The following ODF2 variants were observed in gnomAD, a reference collection of about 807,000 sequenced individuals.
ODF2 encodes outer dense fiber of sperm tails 2, also known as outer dense fiber protein 2.
Under a neutral mutation model 110.2 loss-of-function variants are expected in ODF2, and 47 were observed. The ratio of observed to expected loss-of-function variants is 0.43; its 90% CI spans 0.34 to 0.54. The LOEUF (loss-of-function observed/expected upper bound fraction) is 0.54. Ranked by LOEUF, ODF2 falls within the 20% of genes least tolerant of loss-of-function variation. ODF2 has a pLI of 0.03. For missense variants in ODF2, 812 were observed against 1,054.5 expected (o/e 0.77, Z 3.19); for synonymous variants, 352 against 397.7 (o/e 0.89, Z 1.37).
At chr9:128,456,205 C>T in exon 1 of ODF2, 2 of 1,547,882 alleles carry the variant, frequency 1.3e-6, no homozygotes, top group African/African-American at 1.4e-5. Context: ...TGGCCTCCGA[C>T]TTCAACGACT....
In ODF2 at chr9:128,457,304, C is replaced by T. The variant is rs966366402; in HGVS notation, c.-102C>T. 2.5e-6 allele frequency: 4 copies of T among 1,607,696 alleles called. No homozygotes were observed. In the African/African-American group the frequency reaches 5.3e-5, roughly 21 times the overall value. ...CTCCCCTCAGAGAGGACGTTTGATG[C>T]CGGGCCCCTTGAGAGGCTCATTGAC... is the stretch of plus-strand genomic sequence containing the variant. On this transcript the variant is annotated 5_prime_UTR_variant, in exon 2 of 21. Transcript: ENST00000604420.
At chr9:128,482,426 A>T (rs974293591) in intron 9 of ODF2, among the ~76,000 whole-genome samples, 15 of 152,208 alleles carry the variant, frequency 9.9e-5, no homozygotes, top group African/African-American at 3.6e-4. Flanking sequence ...TAATCACATT[A>T]TGGTAAACAT....
intron 4 of ODF2, chr9:128,461,333 A>G: frequency 2.2e-6 from 1 of 456,340 alleles, no homozygotes; most frequent in African/African-American, 1.9e-5. Context: ...AGAAGTTAGC[A>G]GAGCTGGAGT....
At position 128,473,741 on chromosome 9, in the gene ODF2, G is replaced by A. The variant is rs1466637252; in HGVS notation, c.843G>A (p.Glu281=). The A allele has an allele frequency of 1.9e-6, 3 of 1,612,476 alleles. No individual in the cohort carries two copies. In the African/African-American group the frequency reaches 4.0e-5, roughly 22 times the overall value. Residue 281 remains glutamate, a splice_region_variant and synonymous_variant, in exon 8 of 21, where the codon GAG becomes GAA. Transcript: ENST00000604420. ...TCCTGAGGGAACAGCACTGCAAAGAGGTGAGCTTGGGGCCTGGCTCTTTCC... is the reference window on the plus strand; with the variant it reads ...TCCTGAGGGAACAGCACTGCAAAGAAGTGAGCTTGGGGCCTGGCTCTTTCC...
intron 8 of ODF2, among the ~76,000 whole-genome samples, chr9:128,475,119 T>TA (rs1840990121): frequency 6.6e-6 from 1 of 152,054 alleles, no homozygotes; most frequent in Non-Finnish European, 1.5e-5. Flanking sequence ...TTTTTCTTGA[T>TA]ATTATCCCCT....
At chr9:128,497,375 C>T (rs1244299457) in intron 18 of ODF2, 2 of 125,370 alleles carry the variant, frequency 1.6e-5, no homozygotes, top group Non-Finnish European at 3.2e-5. Flanking sequence ...ATCACGAGGT[C>T]AGGAGATCGA....
At chr9:128,456,808 G>T in intron 1 of ODF2, 3 of 1,220,854 alleles carry the variant, frequency 2.5e-6, no homozygotes, top group Non-Finnish European at 3.2e-6. Flanking sequence ...ATCCTGCTCA[G>T]AACTCTGTTC....
exon 21 of ODF2, chr9:128,500,163 C>T: frequency 1.2e-6 from 2 of 1,614,256 alleles, no homozygotes; most frequent in Non-Finnish European, 1.7e-6. Flanking sequence ...CGTCCAGTTC[C>T]TCAAATCATC....
intron 2 of ODF2, among the ~76,000 whole-genome samples, chr9:128,457,927 C>CTA (rs374567802): frequency 0.066 from 9,059 of 137,472 alleles, 374 homozygotes; most frequent in Admixed American, 0.13. Context: ...CAGTAGAGGT[C>CTA]TATATATATA....
At position 128,481,742 on chromosome 9, in the gene ODF2, G is replaced by A. The variant is rs1186870922; in HGVS notation, c.915+91G>A. The A allele has an allele frequency of 6.1e-6, 6 of 982,334 alleles. No homozygotes were observed. The South Asian group carries it at 7.2e-5, about 12-fold the overall frequency. The allele number at this position is 982,334 out of a possible 1,614,324, so 60.9% of individuals were successfully genotyped here. ...GTGTAGAGGTGCTTGGATCAAGGCA[G>A]GAGGGCTGGAGCATTTCGCTAGGTC... On this transcript the variant is annotated intron_variant, in intron 9 of 20. Coordinates refer to ENST00000604420, the Ensembl canonical transcript of ODF2.
rs1045343047 is a variant in ODF2, at chr9:128,456,864, G to T, written c.-208-334G>T. ...CGCCCGGGGCCCGTGCAACCTCCGC[G>T]CCTCCCTCCTTTAAACACTATTGGT... is the stretch of plus-strand genomic sequence containing the variant. On this transcript the variant is annotated intron_variant, in intron 1 of 20. Coordinates refer to ENST00000604420, the Ensembl canonical transcript of ODF2. 1.2e-5 allele frequency: 16 copies of T among 1,293,870 alleles called. 1 individual carries two copies. Among genetic ancestry groups the T allele is most frequent in the South Asian group, 3.8e-5 (2 of 52,156 alleles). The allele number at this position is 1,293,870 out of a possible 1,614,324, so 80.1% of individuals were successfully genotyped here.
At chr9:128,493,074 TA>T (rs1478524615) in intron 16 of ODF2, among the ~76,000 whole-genome samples, 11 of 151,672 alleles carry the variant, frequency 7.3e-5, no homozygotes, top group African/African-American at 2.7e-4. Context: ...TCAATTTTCT[TA>T]AAATAACAAC....
intron 18 of ODF2, chr9:128,497,437 AAAAAAAAAAATATATAT>A (rs1304627520): frequency 7.2e-5 from 7 of 97,468 alleles, no homozygotes; most frequent in Admixed American, 3.3e-4. Flanking sequence ...AAAAAAAAAA[AAAAAAAAAAATATATAT>A]ATATATATAT....
intron 4 of ODF2, among the ~76,000 whole-genome samples, chr9:128,465,230 C>G (rs1837529299): frequency 6.6e-6 from 1 of 152,138 alleles, no homozygotes; most frequent in African/African-American, 2.4e-5. Flanking sequence ...TTTCCACTTG[C>G]CAGTGGCTTC....
chr9:128,499,058 C>T (rs1190824911), exon 20 of ODF2: 2 of 1,614,210 alleles, frequency 1.2e-6, no homozygotes, highest in Admixed American at 3.3e-5. Context: ...GAACAAAATC[C>T]TGGACCTTGA....
chr9:128,460,335 A>G (rs975079743), intron 3 of ODF2: 1 of 1,435,510 alleles, frequency 7.0e-7, no homozygotes, highest in Non-Finnish European at 9.2e-7. Flanking sequence ...GTGGACCAGA[A>G]TCTCCCTTGT....
In ODF2 at chr9:128,494,361, C is replaced by T. The variant is rs968375653; in HGVS notation, c.1753-149C>T. 6.2e-5 allele frequency: 42 copies of T among 675,530 alleles called. No individual in the cohort carries two copies. The highest frequency in any genetic ancestry group is 9.6e-5 in the Non-Finnish European group (38 of 394,898). 41.8% of individuals were successfully genotyped at this position (675,530 alleles called of 1,614,324 possible). A position where few individuals can be genotyped will look rare whatever the true frequency, so the allele number is the denominator to read the frequency against. The stretch of plus-strand genomic sequence containing the variant: ...AATGGCCAGCGGGGAGTGTAGGCCA[C>T]ACTTCTGCTGTGGATTTTGCAGGAT... On this transcript the variant is annotated intron_variant, in intron 16 of 20. Coordinates refer to ENST00000604420, the Ensembl canonical transcript of ODF2. This position sits in a 1 kb window ranked among gnomAD's most constrained non-coding sequence, Gnocchi z 4.6.
At chr9:128,497,461 ATATATATATATATATATATATATATG>A (rs1845837855) in intron 18 of ODF2, 2 of 96,926 alleles carry the variant, frequency 2.1e-5, no homozygotes, top group Non-Finnish European at 3.9e-5. Flanking sequence ...ATATATATAT[ATATATATATATATATATATATATATG>A]TATAAAATTA....
At chr9:128,489,227 T>C (rs530354070) in intron 14 of ODF2, among the ~76,000 whole-genome samples, 1 of 152,350 alleles carries the variant, frequency 6.6e-6, no homozygotes, top group South Asian at 2.1e-4. Flanking sequence ...TCTTGCTCTT[T>C]TGTTGATCTG....
Sources: allele counts gnomAD v4.1 joint callset (sites outside exome capture counted in the v4.1 genomes callset), GRCh38; gene constraint gnomAD v4.1.1; non-coding constraint Gnocchi (gnomAD v3.1); transcripts MANE v1.5; gene names NCBI Gene and HGNC (gene_info 2026-07-23, HGNC 2026-07-21).